The following GRAMD1B variants were observed in gnomAD, a reference collection of about 807,000 sequenced individuals.
The protein encoded by GRAMD1B is GRAM domain containing 1B.
A neutral mutation model predicts 99.7 loss-of-function variants in GRAMD1B; 37 were observed. The observed-to-expected ratio is 0.37, with a 90% confidence interval of 0.29 to 0.49. GRAMD1B has a LOEUF of 0.49. Among genes scored for constraint, GRAMD1B ranks in the 20% least tolerant of loss-of-function variants. GRAMD1B has a pLI of 0.98. For synonymous variants in GRAMD1B, 427 were observed against 387.6 expected (o/e 1.10, Z -1.19); for missense variants, 888 against 1,009.2 (o/e 0.88, Z 1.63).
chr11:123,368,258 C>CAAAAAAAAAAA (rs1024340450), intron 1 of GRAMD1B, among the ~76,000 whole-genome samples: 1 of 88,264 alleles, frequency 1.1e-5, no homozygotes, highest in Non-Finnish European at 2.4e-5. Context: ...CATCTTAAAA[C>CAAAAAAAAAAA]AAAAAAAAAA....
intron 1 of GRAMD1B, among the ~76,000 whole-genome samples, chr11:123,397,390 G>C (rs945170078): frequency 6.7e-6 from 1 of 149,494 alleles, no homozygotes. Context: ...CTGGGTGACA[G>C]AGCGAGACTC....
chr11:123,402,802 TTTA>T (rs987041000), intron 1 of GRAMD1B, among the ~76,000 whole-genome samples: 9 of 152,146 alleles, frequency 5.9e-5, no homozygotes, highest in Non-Finnish European at 1.0e-4. Context: ...CTCTCTCTCT[TTTA>T]TTATTATTAT....
At chr11:123,552,951 T>C (rs1945771914) in intron 2 of GRAMD1B, among the ~76,000 whole-genome samples, 1 of 152,252 alleles carries the variant, frequency 6.6e-6, no homozygotes, top group Non-Finnish European at 1.5e-5. Context: ...TATAGATCAC[T>C]AGTCTATGTT....
intron 2 of GRAMD1B, among the ~76,000 whole-genome samples, chr11:123,494,599 GCT>G (rs1271154185): frequency 6.6e-6 from 1 of 152,104 alleles, no homozygotes; most frequent in Admixed American, 6.5e-5. Context: ...ACCATCACCT[GCT>G]CTGTTTCTCC....
At chr11:123,420,162 G>A (rs1948379917) in intron 1 of GRAMD1B, among the ~76,000 whole-genome samples, 1 of 152,148 alleles carries the variant, frequency 6.6e-6, no homozygotes, top group East Asian at 1.9e-4. Context: ...ACAGAGGATG[G>A]CAAACCTCAT....
Position 123,619,267 on chromosome 11 carries a change from C to T in GRAMD1B, c.2544+43C>T, listed in dbSNP as rs746116921. The stretch of plus-strand genomic sequence containing the variant: ...CTCTGCTTGCCCTGGTCTTTGGGAG[C>T]GGGGACTCCTTCCCTTATGCTGTGA... On this transcript the variant is annotated intron_variant, in intron 19 of 19. Transcript: ENST00000635736. The T allele has an allele frequency of 2.8e-5, 44 of 1,547,346 alleles. No homozygotes were observed. The African/African-American group carries it at 4.1e-4, about 14-fold the overall frequency.
intron 7 of GRAMD1B, among the ~76,000 whole-genome samples, chr11:123,597,091 T>C (rs1951360195): frequency 6.6e-6 from 1 of 151,632 alleles, no homozygotes; most frequent in African/African-American, 2.4e-5. Context: ...AGTTCCATTG[T>C]ATGTTGGGCT....
chr11:123,466,063 G>A (rs1950642239), intron 1 of GRAMD1B, among the ~76,000 whole-genome samples: 1 of 151,980 alleles, frequency 6.6e-6, no homozygotes, highest in Admixed American at 6.5e-5. Context: ...ATCACTTGAG[G>A]TCAGGAGTTC....
intron 1 of GRAMD1B, among the ~76,000 whole-genome samples, chr11:123,461,390 C>T (rs1427990848): frequency 6.6e-6 from 1 of 152,216 alleles, no homozygotes; most frequent in Non-Finnish European, 1.5e-5. Flanking sequence ...GATTCCTGTC[C>T]TTGTGGCTAA....
chr11:123,409,522 T>C (rs1565480577), intron 1 of GRAMD1B, among the ~76,000 whole-genome samples: 1 of 152,176 alleles, frequency 6.6e-6, no homozygotes, highest in South Asian at 2.1e-4. Flanking sequence ...CCCTTCGCTG[T>C]CTTGAAGCCC....
intron 2 of GRAMD1B, among the ~76,000 whole-genome samples, chr11:123,508,612 A>C (rs1357201724): frequency 6.6e-6 from 1 of 152,136 alleles, no homozygotes; most frequent in Admixed American, 6.5e-5. Flanking sequence ...GTCTGTATTG[A>C]TCTACCTGAT....
chr11:123,407,970 T>C (rs1464577487), intron 1 of GRAMD1B, among the ~76,000 whole-genome samples: 4 of 152,248 alleles, frequency 2.6e-5, no homozygotes, highest in Admixed American at 6.5e-5. Flanking sequence ...TTTTTTGTTA[T>C]GATGAGGTGA....
At chr11:123,404,683 AAAAATCATTCATGAG>A (rs1234105814) in intron 1 of GRAMD1B, among the ~76,000 whole-genome samples, 3 of 152,242 alleles carry the variant, frequency 2.0e-5, no homozygotes, top group Non-Finnish European at 2.9e-5. Flanking sequence ...CTCTAGTGTC[AAAAATCATTCATGAG>A]AAAATCTGAA....
intron 1 of GRAMD1B, among the ~76,000 whole-genome samples, chr11:123,437,380 A>G (rs903573482): frequency 7.2e-5 from 11 of 152,244 alleles, no homozygotes; most frequent in African/African-American, 2.6e-4. Flanking sequence ...ATCTCCCAGG[A>G]TGTCTTCTTG....
At chr11:123,602,668 G>A (rs1354086097) in intron 8 of GRAMD1B, among the ~76,000 whole-genome samples, 1 of 151,964 alleles carries the variant, frequency 6.6e-6, no homozygotes, top group Non-Finnish European at 1.5e-5. Context: ...ACATCCCTTT[G>A]CCTCTCTCTG....
intron 1 of GRAMD1B, among the ~76,000 whole-genome samples, chr11:123,457,572 G>A (rs114247759): frequency 1.7e-3 from 265 of 152,334 alleles, no homozygotes; most frequent in African/African-American, 5.1e-3. Flanking sequence ...TTACAGATAA[G>A]CAAACTGAAG....
At chr11:123,403,385 C>T (rs1486544750) in intron 1 of GRAMD1B, among the ~76,000 whole-genome samples, 1 of 149,598 alleles carries the variant, frequency 6.7e-6, no homozygotes, top group Non-Finnish European at 1.5e-5. Flanking sequence ...TGAGATCATG[C>T]CATTGCACTC....
intron 19 of GRAMD1B, among the ~76,000 whole-genome samples, chr11:123,621,268 A>G (rs190614717): frequency 1.3e-5 from 2 of 152,330 alleles, no homozygotes; most frequent in East Asian, 1.9e-4. Flanking sequence ...CAGTTTACCC[A>G]GAGACAGTAT....
chr11:123,468,846 G>A (rs1950842868), intron 1 of GRAMD1B, among the ~76,000 whole-genome samples: 3 of 151,038 alleles, frequency 2.0e-5, no homozygotes, highest in Admixed American at 2.0e-4. Context: ...ACCATAATGT[G>A]GGTGGTGGTC....
Sources: gnomAD v4.1 joint callset for allele counts (sites outside exome capture counted in the v4.1 genomes callset) on GRCh38, gnomAD v4.1.1 for gene constraint, MANE v1.5 for transcripts, NCBI Gene and HGNC (gene_info 2026-07-23, HGNC 2026-07-21) for gene names.